RIMS1: variants seen among roughly 807,000 people sequenced by gnomAD.
RIMS1 encodes the protein regulating synaptic membrane exocytosis 1.
In RIMS1, 83 loss-of-function variants were observed where a neutral mutation model predicts 214.1. The ratio of observed to expected loss-of-function variants is 0.39; its 90% confidence interval spans 0.32 to 0.47. The LOEUF (loss-of-function observed/expected upper bound fraction) is 0.47, where lower values mean the gene tolerates loss of function less well. Among genes scored for constraint, RIMS1 ranks in the 20% least tolerant of loss-of-function variants. RIMS1 has a pLI of 0.99. For missense variants in RIMS1, 2,050 were observed against 2,161.8 expected (o/e 0.95, Z 1.03); for synonymous variants, 793 against 786.8 (o/e 1.01, Z -0.13).
At chr6:72,062,684 T>C (rs1828190109) in intron 2 of RIMS1, among the ~76,000 whole-genome samples, 1 of 152,078 alleles carries the variant, frequency 6.6e-6, no homozygotes, top group Non-Finnish European at 1.5e-5. Flanking sequence ...GCAACAGAAA[T>C]GTATTGCCGC....
chr6:72,081,679 G>A (rs1194402638), intron 2 of RIMS1, among the ~76,000 whole-genome samples: 1 of 151,914 alleles, frequency 6.6e-6, no homozygotes, highest in East Asian at 1.9e-4. Flanking sequence ...AGGGGTTCTG[G>A]GTTACATGGG....
intron 2 of RIMS1, among the ~76,000 whole-genome samples, chr6:72,059,243 TTGAGACAGGCTCTCGCTC>T (rs1361069419): frequency 6.6e-6 from 1 of 152,222 alleles, no homozygotes; most frequent in African/African-American, 2.4e-5. Context: ...TTTAATTTTT[TTGAGACAGGCTCTCGCTC>T]TGTTGCCCAC....
Position 71,953,926 on chromosome 6 carries a change from C to A in RIMS1, c.165-15057C>A, listed in dbSNP as rs571429510. Among the ~76,000 whole-genome samples the A allele has an allele frequency of 7.2e-5, 11 of 152,274 alleles. No individual in the cohort carries two copies. In the East Asian group the frequency reaches 2.1e-3, roughly 29 times the overall value. On this transcript the variant is annotated intron_variant, in intron 1 of 33. Coordinates refer to ENST00000521978, the MANE Select transcript of RIMS1 (RefSeq NM_014989.7). ...GAATTAAAGGACTGTTGCTTTTTAC[C>A]TTTAGGGTCTTAAACTATCTATGCC...
chr6:72,122,783 T>C (rs567160286), intron 4 of RIMS1, among the ~76,000 whole-genome samples: 1 of 152,046 alleles, frequency 6.6e-6, no homozygotes, highest in African/African-American at 2.4e-5. Context: ...TATAGTATTC[T>C]CTGATGGTAG....
intron 28 of RIMS1, among the ~76,000 whole-genome samples, chr6:72,329,810 G>A (rs2096598096): frequency 6.6e-6 from 1 of 151,686 alleles, no homozygotes; most frequent in Admixed American, 6.6e-5. Context: ...CCTATAATGT[G>A]ATATGGAAGA....
intron 29 of RIMS1, among the ~76,000 whole-genome samples, chr6:72,345,196 A>T (rs1317635730): frequency 6.6e-6 from 1 of 151,766 alleles, no homozygotes; most frequent in Admixed American, 6.6e-5. Flanking sequence ...TTTTTCATAG[A>T]GATTTTTGTT....
At chr6:71,915,108 A>T (rs1777958381) in intron 1 of RIMS1, among the ~76,000 whole-genome samples, 1 of 152,088 alleles carries the variant, frequency 6.6e-6, no homozygotes, top group Non-Finnish European at 1.5e-5. Flanking sequence ...ATACAGACCC[A>T]AGGCCTTCTA....
chr6:72,262,025 G>A (rs41265499), intron 19 of RIMS1: 17,006 of 984,492 alleles, frequency 0.017, 183 homozygotes, highest in Non-Finnish European at 0.019. Context: ...TCCTCTTGAT[G>A]TGACTAAAGC....
chr6:72,085,719 C>T (rs909403992), intron 2 of RIMS1, among the ~76,000 whole-genome samples: 11 of 152,234 alleles, frequency 7.2e-5, no homozygotes, highest in African/African-American at 2.4e-4. Flanking sequence ...ATCAGAAGCT[C>T]TGTAGGTTTG....
At chr6:72,024,426 C>G (rs1228264198) in intron 2 of RIMS1, among the ~76,000 whole-genome samples, 1 of 152,100 alleles carries the variant, frequency 6.6e-6, no homozygotes, top group Non-Finnish European at 1.5e-5. Context: ...CAATCCTGAC[C>G]TCATAAAGTT....
intron 2 of RIMS1, among the ~76,000 whole-genome samples, chr6:71,978,572 C>A (rs1366642468): frequency 6.6e-6 from 1 of 151,842 alleles, no homozygotes; most frequent in East Asian, 1.9e-4. Context: ...TGAGTAAAAT[C>A]CAGTCAAGAA....
chr6:71,939,629 T>C (rs373468085), intron 1 of RIMS1, among the ~76,000 whole-genome samples: 309 of 152,284 alleles, frequency 2.0e-3, no homozygotes, highest in South Asian at 0.01. Context: ...AACTTAACAC[T>C]GTGGAAGGCA....
chr6:72,369,126 A>G (rs1306359229), intron 29 of RIMS1, among the ~76,000 whole-genome samples: 1 of 150,902 alleles, frequency 6.6e-6, no homozygotes, highest in African/African-American at 2.4e-5. Context: ...AGAACCAGTA[A>G]AATTTGAACA....
chr6:72,271,586 A>G (rs1358501897), intron 22 of RIMS1, among the ~76,000 whole-genome samples: 5 of 152,060 alleles, frequency 3.3e-5, no homozygotes, highest in African/African-American at 9.7e-5. Context: ...ACGTGTGTAT[A>G]TGCAAGTACA....
intron 29 of RIMS1, among the ~76,000 whole-genome samples, chr6:72,390,087 T>A (rs939651067): frequency 3.1e-4 from 47 of 152,286 alleles, no homozygotes; most frequent in African/African-American, 1.1e-3. Flanking sequence ...GCTGCAAAAA[T>A]CATCAATTAA....
chr6:72,011,420 C>A (rs1166183019), intron 2 of RIMS1, among the ~76,000 whole-genome samples: 1 of 152,134 alleles, frequency 6.6e-6, no homozygotes, highest in Admixed American at 6.5e-5. Context: ...TAGGCATGAG[C>A]AAGGACATCA....
At position 72,157,902 on chromosome 6, in the gene RIMS1, A is replaced by G. The variant is rs1215376113; in HGVS notation, c.472-21673A>G. ...GCCAGCAATACACTCTATTGCTATT[A>G]TTTTGTTATTCATAAAATCTTATGT... On this transcript the variant is annotated intron_variant, in intron 4 of 33. Coordinates refer to ENST00000521978, the MANE Select transcript of RIMS1 (RefSeq NM_014989.7). Among the ~76,000 whole-genome samples the G allele has an allele frequency of 1.4e-5, 2 of 140,106 alleles. 1 individual carries two copies. Among genetic ancestry groups the G allele is most frequent in the Admixed American group, 1.5e-4 (2 of 13,682 alleles). 91.9% of individuals were successfully genotyped at this position (140,106 alleles called of 152,430 possible). A position where few individuals can be genotyped will look rare whatever the true frequency, so the allele number is the denominator to read the frequency against.
chr6:72,299,244 G>A (rs2094392767), intron 26 of RIMS1, among the ~76,000 whole-genome samples: 1 of 151,824 alleles, frequency 6.6e-6, no homozygotes, highest in Non-Finnish European at 1.5e-5. Context: ...TTTTTTAAGT[G>A]CATTAAGTTT....
intron 6 of RIMS1, among the ~76,000 whole-genome samples, chr6:72,204,670 C>T (rs1051481326): frequency 2.6e-5 from 4 of 152,092 alleles, no homozygotes; most frequent in South Asian, 2.1e-4. Flanking sequence ...TAAGCATAAA[C>T]GGAGAAATCA....
Sources: gnomAD v4.1 joint callset for allele counts (sites outside exome capture counted in the v4.1 genomes callset) on GRCh38, gnomAD v4.1.1 for gene constraint, MANE v1.5 for transcripts, NCBI Gene and HGNC (gene_info 2026-07-23, HGNC 2026-07-21) for gene names.